The following DRC11L variants were observed in gnomAD, a reference collection of about 807,000 sequenced individuals.
The protein encoded by DRC11L is dynein regulatory complex subunit 11 like, also known as dynein regulatory complex subunit like-11.
At chr7:151,191,567 C>T in the DRC11L span, 9 of 398,446 alleles carry the variant, frequency 2.3e-5, no homozygotes, top group South Asian at 1.3e-4. Context: ...GAGAGGGGTC[C>T]GAGTTGTGCT....
At chr7:151,194,625 C>T in the DRC11L span, 3 of 399,158 alleles carry the variant, frequency 7.5e-6, no homozygotes, top group Non-Finnish European at 8.8e-6. Context: ...CAGGAAGACC[C>T]CCACCACCAC....
chr7:151,192,589 C>G, the DRC11L span: 1 of 398,326 alleles, frequency 2.5e-6, no homozygotes, highest in Non-Finnish European at 4.4e-6. Flanking sequence ...GCCCATCCTG[C>G]TTTGAGACAA....
the DRC11L span, chr7:151,192,559 C>T: frequency 2.5e-6 from 1 of 398,414 alleles, no homozygotes; most frequent in Non-Finnish European, 4.4e-6. Flanking sequence ...TCACCTCAGC[C>T]CTAGCGGGAT....
chr7:151,202,343 G>A, the DRC11L span, among the ~76,000 whole-genome samples: 1 of 152,024 alleles, frequency 6.6e-6, no homozygotes, highest in East Asian at 1.9e-4. Context: ...ACATTTTAGT[G>A]GCTCATTTTC....
chr7:151,199,121 G>T, the DRC11L span: 146 of 397,894 alleles, frequency 3.7e-4, 1 homozygote, highest in Middle Eastern at 5.0e-3. The surrounding 1 kb of genome is among the most constrained non-coding windows in gnomAD (Gnocchi z 5.2). Context: ...CCAACACCAC[G>T]CTCACACAAG....
At chr7:151,202,966 C>A in the DRC11L span, 1 of 399,822 alleles carries the variant, frequency 2.5e-6, no homozygotes, top group South Asian at 1.3e-4. Context: ...TCCATCCTCC[C>A]GAATCCTCCC....
At chr7:151,196,200 C>T in the DRC11L span, among the ~76,000 whole-genome samples, 1 of 152,176 alleles carries the variant, frequency 6.6e-6, no homozygotes, top group East Asian at 1.9e-4. Flanking sequence ...TGCATTAGCC[C>T]TGGAAGAAAG....
chr7:151,203,534 G>A, the DRC11L span: 3 of 398,980 alleles, frequency 7.5e-6, no homozygotes, highest in Non-Finnish European at 1.3e-5. Context: ...AATGTTGGGG[G>A]AGGAGGGTCA....
the DRC11L span, chr7:151,204,722 C>T: frequency 2.5e-6 from 1 of 398,948 alleles, no homozygotes; most frequent in African/African-American, 2.1e-5. Context: ...GCGATGCGAG[C>T]CTGTACTGGA....
the DRC11L span, among the ~76,000 whole-genome samples, chr7:151,201,318 TGACTCTAA>T: frequency 6.6e-6 from 1 of 152,250 alleles, no homozygotes; most frequent in African/African-American, 2.4e-5. This position sits in a 1 kb window ranked among gnomAD's most constrained non-coding sequence, Gnocchi z 4.1. Flanking sequence ...GTGCTCTGGA[TGACTCTAA>T]GACCAGCACG....
chr7:151,191,888 T>G, the DRC11L span: 1 of 399,190 alleles, frequency 2.5e-6, no homozygotes, highest in Non-Finnish European at 4.4e-6. Flanking sequence ...TGCAGGCATG[T>G]GGAAGACATG....
chr7:151,202,409 T>C, the DRC11L span, among the ~76,000 whole-genome samples: 2 of 152,212 alleles, frequency 1.3e-5, no homozygotes, highest in African/African-American at 4.8e-5. Context: ...CTATTATGGA[T>C]CTTTCTTCTC....
the DRC11L span, chr7:151,195,538 G>A: frequency 1.8e-5 from 7 of 399,916 alleles, no homozygotes; most frequent in Non-Finnish European, 1.8e-5. Flanking sequence ...GCCTCCCTGT[G>A]TGCCCTCCCC....
the DRC11L span, chr7:151,193,350 G>A: frequency 2.5e-6 from 1 of 399,610 alleles, no homozygotes; most frequent in Non-Finnish European, 4.4e-6. Flanking sequence ...TTGCCCAGCA[G>A]GTTTTCCGGC....
At chr7:151,201,679 G>A in the DRC11L span, among the ~76,000 whole-genome samples, 1 of 152,196 alleles carries the variant, frequency 6.6e-6, no homozygotes, top group Non-Finnish European at 1.5e-5. The surrounding 1 kb of genome is among the most constrained non-coding windows in gnomAD (Gnocchi z 4.1). Flanking sequence ...GGTTTTTGAG[G>A]TATTGGGACT....
the DRC11L span, chr7:151,190,873 T>C: frequency 2.5e-6 from 1 of 397,156 alleles, no homozygotes; most frequent in South Asian, 1.4e-4. Context: ...ACAAGAAGAG[T>C]TTGTTCCCAA....
At chr7:151,195,598 C>A in the DRC11L span, 1 of 118,850 alleles carries the variant, frequency 8.4e-6, no homozygotes, top group Non-Finnish European at 2.1e-5. Flanking sequence ...AGGGGTCTTT[C>A]TTCCTCCTTG....
chr7:151,199,698 A>G, the DRC11L span, among the ~76,000 whole-genome samples: 4 of 150,486 alleles, frequency 2.7e-5, no homozygotes, highest in Admixed American at 2.0e-4. The surrounding 1 kb of genome is among the most constrained non-coding windows in gnomAD (Gnocchi z 5.2). Context: ...CTTCCCTCCA[A>G]TCCCTCCAGT....
At chr7:151,192,395 C>T in the DRC11L span, 11 of 399,352 alleles carry the variant, frequency 2.8e-5, 1 homozygote, top group South Asian at 3.8e-4. Context: ...CACACGGTCT[C>T]CGGGAGTCAG....
Sources: gnomAD v4.1 joint callset for allele counts (sites outside exome capture counted in the v4.1 genomes callset) on GRCh38, gnomAD v4.1.1 for gene constraint, Gnocchi (gnomAD v3.1) non-coding constraint, MANE v1.5 for transcripts, NCBI Gene and HGNC (gene_info 2026-07-23, HGNC 2026-07-21) for gene names.